TLK1: variants seen among roughly 807,000 people sequenced by gnomAD.
TLK1 encodes the protein serine/threonine-protein kinase tousled-like 1.
In TLK1, 24 loss-of-function variants were observed where a neutral mutation model predicts 105.3. The ratio of observed to expected loss-of-function variants is 0.23; its 90% CI spans 0.17 to 0.32. TLK1 has a LOEUF of 0.32. Among genes scored for constraint, TLK1 ranks in the 10% least tolerant of loss-of-function variants. The pLI is 1.00. For synonymous variants in TLK1, 321 were observed against 310.4 expected (o/e 1.03, Z -0.36); for missense variants, 558 against 910.5 (o/e 0.61, Z 4.98).
chr2:171,064,700 T>A (rs1220022098), intron 3 of TLK1, among the ~76,000 whole-genome samples: 1 of 152,142 alleles, frequency 6.6e-6, no homozygotes, highest in Non-Finnish European at 1.5e-5. Flanking sequence ...AGAGCTCCAA[T>A]ATACAATGAA....
intron 20 of TLK1, 78 bp downstream of exon 20, chr2:170,996,575 G>C (rs566416952): frequency 1.2e-5 from 14 of 1,198,372 alleles, no homozygotes; most frequent in African/African-American, 9.2e-5. Flanking sequence ...TTACTTACTG[G>C]AAAGTACTTA....
intron 11 of TLK1, among the ~76,000 whole-genome samples, chr2:171,041,270 C>T (rs1686661357): frequency 6.6e-6 from 1 of 152,186 alleles, no homozygotes; most frequent in Admixed American, 6.5e-5. Flanking sequence ...TTACCTCCTA[C>T]CATCTTTTCA....
chr2:171,107,467 T>C (rs972520570), intron 2 of TLK1, among the ~76,000 whole-genome samples: 4 of 152,218 alleles, frequency 2.6e-5, no homozygotes, highest in African/African-American at 9.7e-5. Flanking sequence ...GTGAGTGTTC[T>C]GATTCTACAT....
At chr2:171,140,303 T>C (rs946342363) in intron 1 of TLK1, among the ~76,000 whole-genome samples, 4 of 152,170 alleles carry the variant, frequency 2.6e-5, no homozygotes, top group Non-Finnish European at 5.9e-5. Context: ...CTGAAGAAAC[T>C]TGAAAAGTTG....
rs556227670 is a variant in TLK1, at chr2:171,094,899, C to T, written c.259-12047G>A. ...CTGGGATTACAGGTGTGAGCCACTG[C>T]GCCTGGCCTCAAACTAAATTTTCTA... On this transcript the variant is annotated intron_variant, in intron 2 of 20. Transcript: ENST00000431350. Among the ~76,000 whole-genome samples the T allele has an allele frequency of 9.9e-5, 15 of 152,182 alleles. No homozygotes were observed. The South Asian group carries it at 1.2e-3, about 13-fold the overall frequency.
chr2:171,203,979 G>A (rs751104064), intron 1 of TLK1, among the ~76,000 whole-genome samples: 10 of 152,058 alleles, frequency 6.6e-5, no homozygotes, highest in East Asian at 1.9e-4. Flanking sequence ...TTGAACCGGT[G>A]GGGGGCAGAG....
chr2:171,091,967 C>T (rs912424043), intron 2 of TLK1, among the ~76,000 whole-genome samples: 3 of 150,794 alleles, frequency 2.0e-5, no homozygotes, highest in Admixed American at 1.3e-4. Context: ...CTCCTGACCT[C>T]GTGATCCGCC....
chr2:171,093,815 A>G (rs1192499197), intron 2 of TLK1, among the ~76,000 whole-genome samples: 3 of 152,212 alleles, frequency 2.0e-5, no homozygotes, highest in Non-Finnish European at 4.4e-5. Context: ...TAGATCTGAC[A>G]GAGATTTAAG....
exon 1 of TLK1, chr2:171,231,276 C>T (rs1205838220): frequency 6.6e-6 from 1 of 152,304 alleles, no homozygotes; most frequent in Non-Finnish European, 1.5e-5. Flanking sequence ...GCTGGCAGTC[C>T]TTGGCATTCC....
chr2:171,229,159 C>G (rs1177991070), intron 1 of TLK1, among the ~76,000 whole-genome samples: 1 of 152,200 alleles, frequency 6.6e-6, no homozygotes, highest in Non-Finnish European at 1.5e-5. Context: ...CCAGTGAGGC[C>G]TTCCCACTTA....
intron 3 of TLK1, among the ~76,000 whole-genome samples, chr2:171,081,205 T>G (rs2105475509): frequency 6.6e-6 from 1 of 152,340 alleles, no homozygotes; most frequent in East Asian, 1.9e-4. Context: ...CTGAATTCTC[T>G]TATAGACTAA....
chr2:171,161,989 C>CT (rs1321048441), upstream of TLK1, among the ~76,000 whole-genome samples: 1 of 152,182 alleles, frequency 6.6e-6, no homozygotes, highest in Non-Finnish European at 1.5e-5. Context: ...GGCATGATTA[C>CT]CAGGGGGACA....
At chr2:171,105,221 A>C (rs1312758491) in intron 2 of TLK1, among the ~76,000 whole-genome samples, 1 of 152,250 alleles carries the variant, frequency 6.6e-6, no homozygotes, top group Non-Finnish European at 1.5e-5. Flanking sequence ...TACAACCTGC[A>C]AGAAAGTGAT....
At chr2:170,996,789 C>T in intron 19 of TLK1, 29 bp from the exon 20 acceptor site, 2 of 1,544,374 alleles carry the variant, frequency 1.3e-6, no homozygotes, top group South Asian at 1.2e-5. Flanking sequence ...TGTTGAGATA[C>T]TTTTCTCACA....
At chr2:171,129,348 A>C (rs1458898972) in intron 1 of TLK1, among the ~76,000 whole-genome samples, 1 of 152,198 alleles carries the variant, frequency 6.6e-6, no homozygotes, top group Non-Finnish European at 1.5e-5. Context: ...ACTGCTCCAC[A>C]GTACTCCTTC....
chr2:171,090,564 G>A (rs536424652), intron 2 of TLK1, among the ~76,000 whole-genome samples: 1 of 152,200 alleles, frequency 6.6e-6, no homozygotes, highest in Non-Finnish European at 1.5e-5. Context: ...TTATTTGAAC[G>A]GTTTTTTGCT....
intron 4 of TLK1, 84 bp downstream of exon 4, chr2:171,060,997 C>T: frequency 7.6e-7 from 1 of 1,307,662 alleles, no homozygotes; most frequent in Middle Eastern, 1.9e-4. Context: ...TATTATTTTA[C>T]AATTAGAGTA....
In TLK1 at chr2:171,112,522, A is replaced by C. The variant is rs1414346005; in HGVS notation, c.258+5217T>G. On this transcript the variant is annotated intron_variant, in intron 2 of 20. Coordinates refer to ENST00000431350, the MANE Select transcript of TLK1 (RefSeq NM_012290.5). ...ATACTCCAAACCTACAGCAAACATT[A>C]CACTTAATAAAGAACCTTCAGACAA... is the stretch of plus-strand genomic sequence containing the variant. Among the ~76,000 whole-genome samples, 3 of 152,228 alleles carry C rather than the reference A, an allele frequency of 2.0e-5. No individual in the cohort carries two copies. The South Asian group carries it at 6.2e-4, about 31-fold the overall frequency.
intron 1 of TLK1, among the ~76,000 whole-genome samples, chr2:171,184,901 C>A (rs181590722): frequency 6.6e-6 from 1 of 151,986 alleles, no homozygotes; most frequent in Non-Finnish European, 1.5e-5. Context: ...TGCAGTGGCA[C>A]GATCTCGGCT....
Sources: allele counts gnomAD v4.1 joint callset (sites outside exome capture counted in the v4.1 genomes callset), GRCh38; gene constraint gnomAD v4.1.1; transcripts MANE v1.5; gene names NCBI Gene and HGNC (gene_info 2026-07-23, HGNC 2026-07-21).